Variants in NKAIN2 observed in about 807,000 individuals in gnomAD.
The protein encoded by NKAIN2 is sodium/potassium-transporting ATPase subunit beta-1-interacting protein 2.
NKAIN2 carries 14 observed loss-of-function variants against 32.6 expected under a neutral mutation model. That is an observed-to-expected ratio of 0.43 (90% CI 0.28 to 0.67). The LOEUF (loss-of-function observed/expected upper bound fraction) is 0.67, where lower values mean the gene tolerates loss of function less well. NKAIN2 is among the 30% of genes least tolerant of loss of function. The pLI, the probability that NKAIN2 is intolerant of heterozygous loss-of-function variation, is 0.17. For synonymous variants in NKAIN2, 80 were observed against 87.2 expected, an observed-to-expected ratio of 0.92 and a Z score of 0.46; for missense variants, 198 against 258.3, an observed-to-expected ratio of 0.77 and a Z score of 1.60.
At chr6:124,412,882 C>T (rs1470490004) in intron 3 of NKAIN2, among the ~76,000 whole-genome samples, 1 of 152,156 alleles carries the variant, frequency 6.6e-6, no homozygotes, top group African/African-American at 2.4e-5. Flanking sequence ...GGCGGGCGCC[C>T]CTCCCCGAGC....
intron 3 of NKAIN2, among the ~76,000 whole-genome samples, chr6:124,405,158 A>G (rs1773793847): frequency 6.6e-6 from 1 of 152,246 alleles, no homozygotes; most frequent in Non-Finnish European, 1.5e-5. Context: ...AGTATTAAAC[A>G]TAGTCGAGTG....
At chr6:124,307,635 A>G (rs1253509732) in intron 2 of NKAIN2, among the ~76,000 whole-genome samples, 1 of 152,216 alleles carries the variant, frequency 6.6e-6, no homozygotes, top group Non-Finnish European at 1.5e-5. Context: ...TGACAATTAC[A>G]ATTGAATTTC....
chr6:124,006,968 AC>A (rs1780103575), intron 1 of NKAIN2, among the ~76,000 whole-genome samples: 3 of 152,202 alleles, frequency 2.0e-5, no homozygotes, highest in African/African-American at 7.2e-5. Flanking sequence ...GTCATACATT[AC>A]TTAAGGACAG....
chr6:124,812,062 GC>G (rs1436587250), intron 5 of NKAIN2, among the ~76,000 whole-genome samples: 1 of 152,128 alleles, frequency 6.6e-6, no homozygotes, highest in Non-Finnish European at 1.5e-5. Context: ...ACACTCGATA[GC>G]ATTCATCAAT....
At chr6:124,712,292 A>T (rs1344936615) in intron 4 of NKAIN2, among the ~76,000 whole-genome samples, 1 of 125,570 alleles carries the variant, frequency 8.0e-6, no homozygotes, top group African/African-American at 3.2e-5. Flanking sequence ...CCCTGCCCCC[A>T]GAGGTGGAGC....
intron 1 of NKAIN2, among the ~76,000 whole-genome samples, chr6:124,210,757 G>A (rs1341491470): frequency 6.6e-6 from 1 of 151,030 alleles, no homozygotes; most frequent in Non-Finnish European, 1.5e-5. Context: ...ACCACTGCTG[G>A]CATATAGAAA....
chr6:123,929,445 T>G (rs944066358), intron 1 of NKAIN2, among the ~76,000 whole-genome samples: 1 of 152,112 alleles, frequency 6.6e-6, no homozygotes. Context: ...CAGAAAGAGA[T>G]GAAATGACTC....
At chr6:124,433,630 A>T (rs1465169673) in intron 3 of NKAIN2, among the ~76,000 whole-genome samples, 1 of 152,130 alleles carries the variant, frequency 6.6e-6, no homozygotes, top group Non-Finnish European at 1.5e-5. Context: ...AGCTCCTATC[A>T]CTGACAGCCA....
At chr6:123,943,226 A>G (rs1776903536) in intron 1 of NKAIN2, among the ~76,000 whole-genome samples, 1 of 152,062 alleles carries the variant, frequency 6.6e-6, no homozygotes, top group Non-Finnish European at 1.5e-5. Flanking sequence ...AGTGTGTACA[A>G]TACAACCAGA....
intron 5 of NKAIN2, among the ~76,000 whole-genome samples, chr6:124,803,910 G>A (rs75624341): frequency 0.016 from 2,457 of 152,256 alleles, 65 homozygotes; most frequent in African/African-American, 0.055. Context: ...TACTCATAGT[G>A]TATTTTTAAT....
intron 1 of NKAIN2, among the ~76,000 whole-genome samples, chr6:124,173,963 G>A (rs1027441647): frequency 7.2e-5 from 11 of 152,208 alleles, no homozygotes; most frequent in Non-Finnish European, 1.0e-4. Flanking sequence ...CATGCCGAAG[G>A]ATACTGTTTA....
At chr6:124,807,737 C>T (rs904472425) in intron 5 of NKAIN2, among the ~76,000 whole-genome samples, 13 of 151,016 alleles carry the variant, frequency 8.6e-5, no homozygotes, top group South Asian at 2.1e-4. Context: ...ATTGATAGAC[C>T]GCTAGCAATA....
At chr6:124,665,769 C>A (rs907287273) in intron 4 of NKAIN2, among the ~76,000 whole-genome samples, 2 of 152,178 alleles carry the variant, frequency 1.3e-5, no homozygotes, top group Non-Finnish European at 2.9e-5. Context: ...CTGATTGCTC[C>A]ATTGACTCCT....
At chr6:124,376,832 A>C (rs954932214) in intron 3 of NKAIN2, among the ~76,000 whole-genome samples, 4 of 152,102 alleles carry the variant, frequency 2.6e-5, no homozygotes, top group African/African-American at 4.8e-5. Flanking sequence ...GCCATTTATG[A>C]TGTTTGCTTT....
intron 1 of NKAIN2, among the ~76,000 whole-genome samples, chr6:124,202,576 AC>A (rs1223277435): frequency 6.6e-6 from 1 of 151,966 alleles, no homozygotes; most frequent in African/African-American, 2.4e-5. Flanking sequence ...TTGGAATTGG[AC>A]AGAACTGATG....
intron 3 of NKAIN2, among the ~76,000 whole-genome samples, chr6:124,407,271 T>C (rs1773904617): frequency 6.6e-6 from 1 of 152,148 alleles, no homozygotes; most frequent in Non-Finnish European, 1.5e-5. Context: ...TGTATACATG[T>C]GCCATGTTGG....
intron 3 of NKAIN2, among the ~76,000 whole-genome samples, chr6:124,387,632 A>AT (rs1223003706): frequency 2.0e-5 from 3 of 152,144 alleles, no homozygotes; most frequent in Non-Finnish European, 4.4e-5. Flanking sequence ...GCAAAATTGG[A>AT]TTTTTTTCAA....
At chr6:124,593,258 C>T (rs964444351) in intron 3 of NKAIN2, among the ~76,000 whole-genome samples, 7 of 151,774 alleles carry the variant, frequency 4.6e-5, no homozygotes, top group Non-Finnish European at 8.8e-5. Flanking sequence ...GATCAAAAGA[C>T]AAAATATGAA....
chr6:124,270,778 T>C (rs1378476850), intron 1 of NKAIN2, among the ~76,000 whole-genome samples: 1 of 152,192 alleles, frequency 6.6e-6, no homozygotes, highest in African/African-American at 2.4e-5. Context: ...CACTTATTGA[T>C]GTTTTTGTTT....
Sources: gnomAD v4.1 joint callset for allele counts (sites outside exome capture counted in the v4.1 genomes callset) on GRCh38, gnomAD v4.1.1 for gene constraint, MANE v1.5 for transcripts, NCBI Gene and HGNC (gene_info 2026-07-23, HGNC 2026-07-21) for gene names.